SLC12A7: variants seen among roughly 807,000 people sequenced by gnomAD.
SLC12A7 encodes the protein solute carrier family 12 member 7.
A neutral mutation model predicts 120.6 loss-of-function variants in SLC12A7; 100 were observed. That is an observed-to-expected ratio of 0.83 (90% CI 0.71 to 0.98). SLC12A7 has a LOEUF of 0.98. Ranked by LOEUF, SLC12A7 falls within the 50% of genes least tolerant of loss-of-function variation. The pLI is 0.00. For missense variants in SLC12A7, 1,373 were observed against 1,548.1 expected, an observed-to-expected ratio of 0.89 and a Z score of 1.90; for synonymous variants, 760 against 678.0, an observed-to-expected ratio of 1.12 and a Z score of -1.88.
At chr5:1,066,894 G>T (rs1256300499) in intron 17 of SLC12A7, among the ~76,000 whole-genome samples, 1 of 152,158 alleles carries the variant, frequency 6.6e-6, no homozygotes, top group Non-Finnish European at 1.5e-5. Context: ...GACGCCCTTT[G>T]CTGTGAGCCG....
chr5:1,084,172 G>C (rs1017911782), intron 7 of SLC12A7, among the ~76,000 whole-genome samples: 12 of 152,022 alleles, frequency 7.9e-5, no homozygotes, highest in African/African-American at 2.9e-4. Context: ...TGGGGACCGG[G>C]GACTGGGGAC....
Position 1,050,684 on chromosome 5 carries a change from G to A in SLC12A7, c.*1676C>T, listed in dbSNP as rs754500489. On this transcript the variant is annotated 3_prime_UTR_variant, in exon 24 of 24. Coordinates refer to ENST00000264930, the MANE Select transcript of SLC12A7 (RefSeq NM_006598.3). ...GTGCCTCTAGCCTGCTCTCCTCCAG[G>A]TGCAGGGGACACAGGACCTGCCGGC... is the stretch of plus-strand genomic sequence containing the variant. 3 of 394,464 alleles carry A rather than the reference G, an allele frequency of 7.6e-6. No individual in the cohort carries two copies. Among genetic ancestry groups the A allele is most frequent in the Non-Finnish European group, 1.3e-5 (3 of 223,930 alleles). 24.4% of individuals were successfully genotyped at this position (394,464 alleles called of 1,614,324 possible).
At position 1,093,581 on chromosome 5, in the gene SLC12A7, G is replaced by T; in HGVS notation, c.294C>A (p.Gly98=). The change falls in exon 3 of 24, where the codon GGC becomes GGA. Residue 98 remains glycine, a synonymous_variant. Transcript: ENST00000264930. The part of the protein sequence containing the change: ...KLANYTNLSQ[G]VVEHEEDEES... ...CCTCGTCCTCCTCGTGCTCCACCAC[G>T]CCCTGGCTCAGGTTGGTGTAGTTGG... 6.2e-7 allele frequency: 1 copy of T among 1,611,684 alleles called. No homozygotes were observed. The highest frequency in any genetic ancestry group is 2.2e-5 in the East Asian group (1 of 44,826).
At chr5:1,127,276 G>A in the SLC12A7 span, among the ~76,000 whole-genome samples, 2 of 152,212 alleles carry the variant, frequency 1.3e-5, no homozygotes, top group Non-Finnish European at 2.9e-5. Context: ...GCCTCCCAAA[G>A]TGCTGGGATT....
chr5:1,080,432 AC>A (rs1738914763), intron 9 of SLC12A7, among the ~76,000 whole-genome samples: 1 of 152,182 alleles, frequency 6.6e-6, no homozygotes. Context: ...AGACGGGCCC[AC>A]CTTCAGTGGA....
chr5:1,056,603 A>C, intron 22 of SLC12A7: 1 of 985,236 alleles, frequency 1.0e-6, no homozygotes, highest in Non-Finnish European at 1.2e-6. Flanking sequence ...TTCTCTATGC[A>C]GGAGAAAAAA....
upstream of SLC12A7, among the ~76,000 whole-genome samples, chr5:1,113,974 TC>T (rs775506498): frequency 2.3e-4 from 35 of 152,190 alleles, no homozygotes; most frequent in Non-Finnish European, 4.6e-4. Context: ...CCGTCGCACA[TC>T]CAAGCTCTGC....
At chr5:1,139,072 G>T in the SLC12A7 span, among the ~76,000 whole-genome samples, 3 of 152,126 alleles carry the variant, frequency 2.0e-5, no homozygotes, top group Non-Finnish European at 4.4e-5. Flanking sequence ...TGGGGTGGGG[G>T]GGGGGCTCTG....
At chr5:1,058,684 C>G (rs1337412723) in intron 21 of SLC12A7, among the ~76,000 whole-genome samples, 1 of 152,246 alleles carries the variant, frequency 6.6e-6, no homozygotes, top group Non-Finnish European at 1.5e-5. Context: ...CTGGGGCTGC[C>G]TCCCTCTCTG....
At chr5:1,101,024 T>G (rs1023864201) in intron 1 of SLC12A7, among the ~76,000 whole-genome samples, 4 of 152,126 alleles carry the variant, frequency 2.6e-5, no homozygotes, top group Admixed American at 1.3e-4. Context: ...CACAGCTGTG[T>G]GCGCTGCCCT....
Position 1,093,258 on chromosome 5 carries a change from G to A in SLC12A7, c.342+275C>T, listed in dbSNP as rs534534513. Among the ~76,000 whole-genome samples, 468 of 152,252 alleles carry A rather than the reference G, an allele frequency of 3.1e-3. 3 individuals are homozygous for A. The highest frequency in any genetic ancestry group is 0.011 in the African/African-American group (449 of 41,526). Reference sequence around the variant, plus strand: ...GGGGATGGGGCCGCTCCCGCAGAACGAACAAAACACCCCAAGTTCATTTCT... The same window carrying A: ...GGGGATGGGGCCGCTCCCGCAGAACAAACAAAACACCCCAAGTTCATTTCT... On this transcript the variant is annotated intron_variant, in intron 3 of 23. Coordinates refer to ENST00000264930, the MANE Select transcript of SLC12A7 (RefSeq NM_006598.3).
intron 1 of SLC12A7, among the ~76,000 whole-genome samples, chr5:1,108,916 C>T (rs150079276): frequency 5.0e-4 from 76 of 152,270 alleles, no homozygotes; most frequent in African/African-American, 1.4e-3. Flanking sequence ...GAGGCAGGAC[C>T]GCCCCTGGAC....
At chr5:1,139,928 C>G in the SLC12A7 span, among the ~76,000 whole-genome samples, 1 of 152,250 alleles carries the variant, frequency 6.6e-6, no homozygotes, top group Non-Finnish European at 1.5e-5. Context: ...CCTCAGGGCT[C>G]TGATCCCAAG....
chr5:1,122,624 C>T, the SLC12A7 span, among the ~76,000 whole-genome samples: 1 of 152,258 alleles, frequency 6.6e-6, no homozygotes, highest in Non-Finnish European at 1.5e-5. Context: ...CCCAGCCTGG[C>T]ACCTGCCATT....
Position 1,074,550 on chromosome 5 carries a change from G to T in SLC12A7, c.2072+17C>A. 6.2e-7 allele frequency: 1 copy of T among 1,604,262 alleles called. No homozygotes were observed. ...CTTCTGTGCGTCTGAGGACCACGGG[G>T]CATGGGCGGTGCTCACCTCCAGTTC... On this transcript the variant is annotated intron_variant, in intron 16 of 23. Transcript: ENST00000264930.
chr5:1,146,179 A>G, the SLC12A7 span, among the ~76,000 whole-genome samples: 1 of 152,178 alleles, frequency 6.6e-6, no homozygotes, highest in East Asian at 1.9e-4. This position sits in a 1 kb window ranked among gnomAD's most constrained non-coding sequence, Gnocchi z 6.5. Flanking sequence ...ACCTGCTCCC[A>G]GCAGGAGGGG....
At chr5:1,056,764 G>A (rs574784377) in intron 22 of SLC12A7, among the ~76,000 whole-genome samples, 6 of 152,156 alleles carry the variant, frequency 3.9e-5, no homozygotes, top group East Asian at 1.9e-4. Flanking sequence ...CTCTGACCCC[G>A]GGTGAGAGGT....
the SLC12A7 span, among the ~76,000 whole-genome samples, chr5:1,128,291 CA>C: frequency 6.6e-6 from 1 of 152,214 alleles, no homozygotes; most frequent in Non-Finnish European, 1.5e-5. Context: ...ATCTGCAGCA[CA>C]AGAGCCAAAT....
At position 1,052,026 on chromosome 5, in the gene SLC12A7, G is replaced by GAA. The variant is rs1457208339; in HGVS notation, c.*332_*333dup. 2.9e-6 allele frequency: 1 copy of GAA among 350,854 alleles called. No homozygotes were observed. The highest frequency in any genetic ancestry group is 5.2e-6 in the Non-Finnish European group (1 of 193,162). The allele number at this position is 350,854 out of a possible 1,614,324, so 21.7% of individuals were successfully genotyped here. A position where few individuals can be genotyped will look rare whatever the true frequency, so the allele number is the denominator to read the frequency against. Reference sequence around the variant, plus strand: ...TAACCACTGGGTAAATCCAGCCAAGGAAAAGAACTTCCAGAAACCAAGGCA... The same window carrying GAA: ...TAACCACTGGGTAAATCCAGCCAAGGAAAAAAGAACTTCCAGAAACCAAGGCA... On this transcript the variant is annotated 3_prime_UTR_variant, in exon 24 of 24. Coordinates refer to ENST00000264930, the MANE Select transcript of SLC12A7 (RefSeq NM_006598.3).
Sources: gnomAD v4.1 joint callset for allele counts (sites outside exome capture counted in the v4.1 genomes callset) on GRCh38, gnomAD v4.1.1 for gene constraint, Gnocchi (gnomAD v3.1) non-coding constraint, MANE v1.5 for transcripts, NCBI Gene and HGNC (gene_info 2026-07-23, HGNC 2026-07-21) for gene names.